Variants in SETD6 observed in about 807,000 individuals in gnomAD.
SETD6 encodes N-lysine methyltransferase SETD6.
Under a neutral mutation model 52.7 loss-of-function variants are expected in SETD6, and 67 were observed. That is an observed-to-expected ratio of 1.27 (90% CI 1.04 to 1.56). The LOEUF (loss-of-function observed/expected upper bound fraction) is 1.56. Ranked by LOEUF, SETD6 falls within the 40% of genes most tolerant of loss-of-function variation. The pLI is 0.00. For missense variants in SETD6, 712 were observed against 607.5 expected (o/e 1.17, Z -1.81); for synonymous variants, 307 against 250.2 (o/e 1.23, Z -2.14).
chr16:58,516,947 G>A lies in SETD6; in HGVS notation c.792+19G>A. On this transcript the variant is annotated intron_variant, in intron 5 of 7. Coordinates refer to ENST00000219315, the MANE Select transcript of SETD6 (RefSeq NM_001160305.4). ...CTCTGCGGTGAGTGGAGTTTCTCTT[G>A]GTGCACTGATTGAGCATGATTCAAG... 2 of 1,614,016 alleles carry A rather than the reference G, an allele frequency of 1.2e-6. No individual in the cohort carries two copies. The highest frequency in any genetic ancestry group is 1.7e-6 in the Non-Finnish European group (2 of 1,179,964).
intron 5 of SETD6, 166 bp downstream of exon 5, chr16:58,517,094 T>G (rs1384594489): frequency 2.0e-6 from 2 of 1,012,456 alleles, no homozygotes; most frequent in African/African-American, 3.2e-5. Context: ...CGAAACATTT[T>G]AAAGTCCTCA....
chr16:58,523,284 G>A lies in SETD6; in HGVS notation c.*4255G>A. ...AAAACCAACCAAACGGATTTTCACTGAACACTGAAAGCATAAAGAGGAAAA... is the reference window on the plus strand; with the variant it reads ...AAAACCAACCAAACGGATTTTCACTAAACACTGAAAGCATAAAGAGGAAAA... On this transcript the variant is annotated 3_prime_UTR_variant, in exon 8 of 8. Coordinates refer to ENST00000219315, the MANE Select transcript of SETD6 (RefSeq NM_001160305.4). 7.3e-7 allele frequency: 1 copy of A among 1,374,886 alleles called. No individual in the cohort carries two copies. Among genetic ancestry groups the A allele is most frequent in the South Asian group, 1.6e-5 (1 of 64,382 alleles). 85.2% of individuals were successfully genotyped at this position (1,374,886 alleles called of 1,614,324 possible).
rs1309967938 is a variant in SETD6 at position 58,520,906 on chromosome 16, T to TA, written c.*1877_*1878insA. 3.8e-5 allele frequency: 60 copies of TA among 1,559,666 alleles called. No individual in the cohort carries two copies. The highest frequency in any genetic ancestry group is 5.0e-5 in the Admixed American group (3 of 59,938). On this transcript the variant is annotated 3_prime_UTR_variant, in exon 8 of 8. Coordinates refer to ENST00000219315, the MANE Select transcript of SETD6 (RefSeq NM_001160305.4). ...AGGATTCTTCAGTCAGTTTATGAACTCGGTGCAGTGAGACCTCTAGACTGA... is the reference window on the plus strand; with the variant it reads ...AGGATTCTTCAGTCAGTTTATGAACTACGGTGCAGTGAGACCTCTAGACTGA...
chr16:58,518,669 T>A, intron 7 of SETD6, 55 bp from the exon 8 acceptor site: 1 of 1,596,558 alleles, frequency 6.3e-7, no homozygotes, highest in African/African-American at 1.4e-5. Context: ...TCCTGAGTCA[T>A]TTCAGAAGTA....
At position 58,519,059 on chromosome 16, in the gene SETD6, A is replaced by G. The variant is rs920716445; in HGVS notation, c.*30A>G. 5.1e-6 allele frequency: 8 copies of G among 1,569,526 alleles called. No individual in the cohort carries two copies. Among genetic ancestry groups the G allele is most frequent in the African/African-American group, 4.1e-5 (3 of 73,180 alleles). On this transcript the variant is annotated 3_prime_UTR_variant, in exon 8 of 8. Transcript: ENST00000219315. ...TTCCCTGTTCCCTGAAGGAACAGCA[A>G]TAAGAACTTTATTCTAAGCTAATAC...
In SETD6 at chr16:58,518,980, G is replaced by A. The variant is rs767440004; in HGVS notation, c.1373G>A (p.Arg458His). ...SWREQQALQVRYGQKMILHQL... is the reference protein window; with the variant it reads ...SWREQQALQVHYGQKMILHQL... Reference sequence around the variant, plus strand: ...AGGGAACAGCAAGCCTTACAGGTTCGCTATGGTCAGAAGATGATCTTACAT... The same window carrying A: ...AGGGAACAGCAAGCCTTACAGGTTCACTATGGTCAGAAGATGATCTTACAT... Residue 458 changes from arginine to histidine, a missense_variant, in exon 8 of 8, where the codon CGC becomes CAC. Transcript: ENST00000219315. 12 of 1,613,930 alleles carry A rather than the reference G, an allele frequency of 7.4e-6. No individual in the cohort carries two copies. Among genetic ancestry groups the A allele is most frequent in the Middle Eastern group, 1.6e-4 (1 of 6,084 alleles).
rs1403896810 is a variant in SETD6 at position 58,518,457 on chromosome 16, A to C, written c.1030A>C (p.Lys344Gln). Residue 344 changes from lysine (K) to glutamine (Q), a missense_variant, in exon 7 of 8, where the codon AAA (lysine) becomes CAA (glutamine). By Grantham distance (53) the Lys-to-Gln change is moderately conservative (BLOSUM62 1). Transcript: ENST00000219315. ...GTACGAGCGCTGGGATTTCCTATGC[A>C]AACTGGAGATGGTAGGGGAAGAGGG... is the stretch of plus-strand genomic sequence containing the variant. Reference protein sequence around the residue: ...LVYERWDFLCKLEMVGEEGAF... With the variant: ...LVYERWDFLCQLEMVGEEGAF... 3 of 1,587,606 alleles carry C rather than the reference A, an allele frequency of 1.9e-6. No homozygotes were observed. Among genetic ancestry groups the C allele is most frequent in the Non-Finnish European group, 2.6e-6 (3 of 1,173,882 alleles).
In SETD6 at chr16:58,516,242, G is replaced by A. The variant is rs2039144788; in HGVS notation, c.375G>A (p.Leu125=). The part of the protein sequence containing the change: ...ALQSQSGWVP[L]LLALLHELQA... ...AGAGCCAGTCGGGCTGGGTGCCACT[G>A]CTGCTGGCGCTGCTCCACGAGCTGC... Residue 125 remains leucine, a synonymous_variant, in exon 3 of 8, where the codon CTG becomes CTA. Transcript: ENST00000219315. 2 of 1,598,416 alleles carry A rather than the reference G, an allele frequency of 1.3e-6. No individual in the cohort carries two copies. Among genetic ancestry groups the A allele is most frequent in the Non-Finnish European group, 8.5e-7 (1 of 1,179,426 alleles).
chr16:58,518,923 G>A lies in SETD6; in HGVS notation c.1316G>A (p.Ser439Asn). ...TTAAAAACTGACCAAGGTTTACTCA[G>A]TAATAAGGAAGTCTATGCGAAACTC... The part of the protein sequence containing the change: ...TDLKTDQGLL[S>N]NKEVYAKLSW... The change falls in exon 8 of 8, where the codon AGT (serine) becomes AAT (asparagine). Residue 439 changes from serine (S) to asparagine (N), a missense_variant. By Grantham distance (46) the Ser-to-Asn change is conservative. Coordinates refer to ENST00000219315, the MANE Select transcript of SETD6 (RefSeq NM_001160305.4). 1 of 1,614,186 alleles carries A rather than the reference G, an allele frequency of 6.2e-7. No individual in the cohort carries two copies.
Position 58,516,496 on chromosome 16 carries a change from G to C in SETD6, c.495G>C (p.Arg165=), listed in dbSNP as rs748696567. 6.2e-7 allele frequency: 1 copy of C among 1,614,048 alleles called. No homozygotes were observed. The highest frequency in any genetic ancestry group is 1.1e-5 in the South Asian group (1 of 91,080). ...CCTGCAGGCCAGAGGAGGAGCGCCG[G>C]TGCCTGCTCCAGGGCACAGGCGTAC... The part of the protein sequence containing the change: ...HPMFWPEEER[R]CLLQGTGVPE... The change falls in exon 4 of 8, where the codon CGG becomes CGC. Residue 165 remains arginine (R), a synonymous_variant. Coordinates refer to ENST00000219315, the MANE Select transcript of SETD6 (RefSeq NM_001160305.4).
chr16:58,521,174 T>C lies in SETD6; in HGVS notation c.*2145T>C. On this transcript the variant is annotated 3_prime_UTR_variant, in exon 8 of 8. Coordinates refer to ENST00000219315, the MANE Select transcript of SETD6 (RefSeq NM_001160305.4). ...ATTCCTAGACAATTAAAAATTACTT[T>C]GAACTCACTTTTCGATTTCTGGGGC... 3.1e-6 allele frequency: 5 copies of C among 1,613,022 alleles called. No individual in the cohort carries two copies. Among genetic ancestry groups the C allele is most frequent in the Non-Finnish European group, 4.2e-6 (5 of 1,179,756 alleles).
Position 58,516,361 on chromosome 16 carries a change from G to C in SETD6, c.476+18G>C. On this transcript the variant is annotated intron_variant, in intron 3 of 7. Coordinates refer to ENST00000219315, the MANE Select transcript of SETD6 (RefSeq NM_001160305.4). ...ATGTTCTGGTGAGAGCCTTGGGAGG[G>C]GTTGGGGAGCGCCTGCACCGTAGCC... 9 of 1,609,924 alleles carry C rather than the reference G, an allele frequency of 5.6e-6. No individual in the cohort carries two copies. Among genetic ancestry groups the C allele is most frequent in the Non-Finnish European group, 7.6e-6 (9 of 1,179,774 alleles).
Position 58,516,304 on chromosome 16 carries a change from T to C in SETD6, c.437T>C (p.Leu146Pro), listed in dbSNP as rs2039147403. Residue 146 changes from leucine (L) to proline (P), a missense_variant, in exon 3 of 8, where the codon CTC becomes CCC. Transcript: ENST00000219315. Reference protein sequence around the residue: ...PASRWRPYFALWPELGRLEHP... With the variant: ...PASRWRPYFAPWPELGRLEHP... The stretch of plus-strand genomic sequence containing the variant: ...TCACGCTGGAGGCCCTACTTTGCGC[T>C]CTGGCCCGAGCTGGGCCGCTTGGAG... 1 of 1,606,252 alleles carries C rather than the reference T, an allele frequency of 6.2e-7. No individual in the cohort carries two copies.
Position 58,518,862 on chromosome 16 carries a change from A to T in SETD6, c.1255A>T (p.Ser419Cys), listed in dbSNP as rs149216485. 1.7e-4 allele frequency: 276 copies of T among 1,614,204 alleles called. 2 individuals are homozygous for T. The African/African-American group carries it at 1.9e-3, about 11-fold the overall frequency. ...KASWRQLLQNSVLLTLQTYAT... is the reference protein window; with the variant it reads ...KASWRQLLQNCVLLTLQTYAT... ...ATCGTGGAGACAGCTGCTTCAAAAC[A>T]GTGTTCTACTGACTTTGCAGACCTA... The change falls in exon 8 of 8, where the codon AGT (serine) becomes TGT (cysteine). Residue 419 changes from serine (S) to cysteine (C), a missense_variant. Coordinates refer to ENST00000219315, the MANE Select transcript of SETD6 (RefSeq NM_001160305.4).
At chr16:58,518,688 G>A (rs758177946) in intron 7 of SETD6, 36 bp from the exon 8 acceptor site, 3 of 1,603,342 alleles carry the variant, frequency 1.9e-6, no homozygotes, top group African/African-American at 1.4e-5. Flanking sequence ...TACAAAAGCA[G>A]TACATCTAAT....
In SETD6 at chr16:58,520,002, G is replaced by T. The variant is rs761205773; in HGVS notation, c.*973G>T. 4 of 152,230 alleles carry T rather than the reference G, an allele frequency of 2.6e-5. No individual in the cohort carries two copies. Among genetic ancestry groups the T allele is most frequent in the Non-Finnish European group, 5.9e-5 (4 of 68,058 alleles). The allele number at this position is 152,230 out of a possible 1,614,324, so 9.4% of individuals were successfully genotyped here. ...TACAGTATGCATACACATACAAGAA[G>T]TAGGGGAGCTGAAGCCCAGGAAAAG... On this transcript the variant is annotated 3_prime_UTR_variant, in exon 8 of 8. Coordinates refer to ENST00000219315, the MANE Select transcript of SETD6 (RefSeq NM_001160305.4).
Position 58,516,812 on chromosome 16 carries a change from C to G in SETD6, c.676C>G (p.Gln226Glu), listed in dbSNP as rs1476403821. Residue 226 changes from glutamine to glutamate, a missense_variant, in exon 5 of 8, where the codon CAG (glutamine) becomes GAG (glutamate). Physicochemically the swap from Gln to Glu is conservative, Grantham distance 29. Coordinates refer to ENST00000219315, the MANE Select transcript of SETD6 (RefSeq NM_001160305.4). ...LVALVMAYSF[Q>E]EPLEEEEDEK... ...GCCAGGTTCTGTCAATGGCAGCTTT[C>G]AGGAACCACTGGAGGAAGAAGAGGA... 1 of 1,614,182 alleles carries G rather than the reference C, an allele frequency of 6.2e-7. No individual in the cohort carries two copies. The highest frequency in any genetic ancestry group is 2.2e-5 in the East Asian group (1 of 44,880).
Position 58,516,664 on chromosome 16 carries a change from G to A in SETD6, c.663G>A (p.Met221Ile), listed in dbSNP as rs147069922. The A allele has an allele frequency of 1.7e-5, 28 of 1,613,516 alleles. No individual in the cohort carries two copies. The highest frequency in any genetic ancestry group is 2.4e-5 in the Non-Finnish European group (28 of 1,179,772). ...ELYHQLVALV[M>I]AYSFQEPLEE... ...ACCACCAGCTGGTGGCCCTTGTGAT[G>A]GCCTATAGGTCAGTGGGTGGGGCCT... is the stretch of plus-strand genomic sequence containing the variant. Residue 221 changes from methionine to isoleucine, a missense_variant, in exon 4 of 8, where the codon ATG becomes ATA. Coordinates refer to ENST00000219315, the MANE Select transcript of SETD6 (RefSeq NM_001160305.4).
upstream of SETD6, chr16:58,515,494 G>T: frequency 1.3e-6 from 2 of 1,565,246 alleles, no homozygotes; most frequent in South Asian, 1.2e-5. Context: ...CGCCGGAAGT[G>T]ACCGCGCGGT....
Sources: allele counts gnomAD v4.1 joint callset, GRCh38; gene constraint gnomAD v4.1.1; transcripts MANE v1.5; gene names NCBI Gene and HGNC (gene_info 2026-07-23, HGNC 2026-07-21).